The following EVC variants were observed in gnomAD, a reference collection of about 807,000 sequenced individuals.
EVC encodes the protein evC complex member EVC.
EVC carries 116 observed loss-of-function variants against 118.9 expected under a neutral mutation model. That is an observed-to-expected ratio of 0.98 (90% CI 0.84 to 1.14). The LOEUF (loss-of-function observed/expected upper bound fraction) is 1.14, where lower values mean the gene tolerates loss of function less well. EVC is among the 50% of genes most tolerant of loss of function. The pLI is 0.00. For missense variants in EVC, 1,401 were observed against 1,246.4 expected (o/e 1.12, Z -1.87); for synonymous variants, 619 against 534.7 (o/e 1.16, Z -2.18).
chr4:5,809,695 G>C (rs1390028965), intron 19 of EVC, 84 bp downstream of exon 19: 1 of 1,229,574 alleles, frequency 8.1e-7, no homozygotes, highest in African/African-American at 1.5e-5. Context: ...CCACTAACTA[G>C]CTGTGTGACC....
chr4:5,760,295 A>G (rs1165498683), intron 11 of EVC, among the ~76,000 whole-genome samples: 1 of 152,076 alleles, frequency 6.6e-6, no homozygotes, highest in Non-Finnish European at 1.5e-5. Flanking sequence ...TGATGCCAAA[A>G]TGACATCCTT....
intron 11 of EVC, among the ~76,000 whole-genome samples, chr4:5,779,966 T>C (rs1437066476): frequency 1.3e-5 from 2 of 151,848 alleles, no homozygotes; most frequent in Non-Finnish European, 2.9e-5. Flanking sequence ...CAGTGTGATA[T>C]TGGCTGTGGG....
chr4:5,733,176 C>T (rs186058740), intron 4 of EVC, among the ~76,000 whole-genome samples, 175 bp from the exon 5 acceptor site: 84 of 152,256 alleles, frequency 5.5e-4, no homozygotes, highest in Non-Finnish European at 1.0e-3. Flanking sequence ...TTTCAAACAG[C>T]TCATTTGATC....
At position 5,746,694 on chromosome 4, in the gene EVC, C is replaced by T. The variant is rs942709187; in HGVS notation, c.939+1353C>T. Among the ~76,000 whole-genome samples, 7 of 152,116 alleles carry T rather than the reference C, an allele frequency of 4.6e-5. No individual in the cohort carries two copies. Among genetic ancestry groups the T allele is most frequent in the African/African-American group, 1.7e-4 (7 of 41,420 alleles). ...GTCTGCCTTTCTCAGGGACAGGGTT[C>T]AGAATTTTCATAAGATTCTCCAAAG... is the stretch of plus-strand genomic sequence containing the variant. On this transcript the variant is annotated intron_variant, in intron 7 of 20. Coordinates refer to ENST00000264956, the MANE Select transcript of EVC (RefSeq NM_153717.3). The surrounding 1 kb of genome is among the most constrained non-coding windows in gnomAD (Gnocchi z 5.8).
chr4:5,784,755 G>A (rs1008785271), intron 12 of EVC, among the ~76,000 whole-genome samples: 21 of 151,550 alleles, frequency 1.4e-4, no homozygotes, highest in Admixed American at 1.1e-3. Flanking sequence ...TTACAGGCAC[G>A]TGCCACCACG....
Position 5,733,431 on chromosome 4 carries a change from A to G in EVC, c.698A>G (p.His233Arg), listed in dbSNP as rs769431829. 1.9e-6 allele frequency: 3 copies of G among 1,613,868 alleles called. No homozygotes were observed. The highest frequency in any genetic ancestry group is 4.5e-5 in the East Asian group (2 of 44,866). The change falls in exon 5 of 21, where the codon CAT (histidine) becomes CGT (arginine). Residue 233 changes from histidine (H) to arginine (R), a missense_variant. By Grantham distance (29) the His-to-Arg change is conservative (BLOSUM62 0). Coordinates refer to ENST00000264956, the MANE Select transcript of EVC (RefSeq NM_153717.3). Reference protein sequence around the residue: ...HLDTALRQEKHMMFIQIFKMC... With the variant: ...HLDTALRQEKRMMFIQIFKMC... ...GACACGGCACTGAGGCAGGAAAAGC[A>G]TATGGTAGGTGGAGATGTTCGCATT...
chr4:5,787,889 C>T (rs1221858339), intron 12 of EVC, among the ~76,000 whole-genome samples: 2 of 152,240 alleles, frequency 1.3e-5, no homozygotes, highest in East Asian at 1.9e-4. Flanking sequence ...TCCTCTGTGC[C>T]GAGCTTTCAG....
At chr4:5,715,571 C>T (rs1274989372) in intron 1 of EVC, among the ~76,000 whole-genome samples, 1 of 152,148 alleles carries the variant, frequency 6.6e-6, no homozygotes, top group African/African-American at 2.4e-5. Flanking sequence ...AATTTCATTG[C>T]ATGCCTGGAG....
intron 12 of EVC, among the ~76,000 whole-genome samples, chr4:5,784,310 G>GCAGA (rs1346215529): frequency 6.6e-6 from 1 of 152,118 alleles, no homozygotes; most frequent in Admixed American, 6.5e-5. Flanking sequence ...CAGGAGACAG[G>GCAGA]CAGAAGGGTG....
At chr4:5,759,166 A>G (rs960931461) in intron 11 of EVC, among the ~76,000 whole-genome samples, 2 of 152,082 alleles carry the variant, frequency 1.3e-5, no homozygotes, top group Non-Finnish European at 2.9e-5. Flanking sequence ...TCTCCGTCCA[A>G]AGGTGTGTTT....
chr4:5,782,467 C>G (rs1333936639), intron 11 of EVC, among the ~76,000 whole-genome samples: 8 of 118,674 alleles, frequency 6.7e-5, no homozygotes, highest in Non-Finnish European at 1.6e-5. Context: ...AATCTCGGCT[C>G]ACAGCAAGCT....
At chr4:5,745,630 C>T (rs540316436) in intron 7 of EVC, among the ~76,000 whole-genome samples, 4 of 152,332 alleles carry the variant, frequency 2.6e-5, no homozygotes, top group African/African-American at 9.6e-5. Flanking sequence ...CCCTTGATGT[C>T]ATCACTGCCC....
In EVC at chr4:5,756,292, G is replaced by T. The variant is rs1577453796; in HGVS notation, c.1493G>T (p.Arg498Met). 4 of 1,613,156 alleles carry T rather than the reference G, an allele frequency of 2.5e-6. No homozygotes were observed. The Admixed American group carries it at 6.7e-5, about 27-fold the overall frequency. Reference protein sequence around the residue: ...EAFHEVLERQRLMQCDLEEEE... With the variant: ...EAFHEVLERQMLMQCDLEEEE... ...TTTCATGAGGTCCTGGAGAGGCAGA[G>T]GCTGATGCAGTGTGACCTGGAGGAA... Residue 498 changes from arginine to methionine, a missense_variant, in exon 11 of 21, where the codon AGG (arginine) becomes ATG (methionine). Physicochemically the swap from Arg to Met is moderately conservative, Grantham distance 91. Transcript: ENST00000264956. This position sits in a 1 kb window ranked among gnomAD's most constrained non-coding sequence, Gnocchi z 4.2.
chr4:5,782,886 T>C (rs1012747510), intron 11 of EVC, among the ~76,000 whole-genome samples: 13 of 152,258 alleles, frequency 8.5e-5, no homozygotes, highest in African/African-American at 3.1e-4. Context: ...GAAAATAATC[T>C]AGATGGTGAC....
chr4:5,730,931 G>A (rs1371201367), intron 3 of EVC, among the ~76,000 whole-genome samples: 1 of 135,244 alleles, frequency 7.4e-6, no homozygotes, highest in Admixed American at 7.3e-5. Flanking sequence ...GGTGTGCATG[G>A]TGTTCCAGCT....
chr4:5,727,344 G>T (rs1726020059), intron 2 of EVC, among the ~76,000 whole-genome samples: 1 of 152,150 alleles, frequency 6.6e-6, no homozygotes, highest in Admixed American at 6.5e-5. Context: ...ATTTTTTCAT[G>T]TGTTTTTTGG....
chr4:5,800,558 C>A (rs1714782764), intron 15 of EVC, among the ~76,000 whole-genome samples: 1 of 152,072 alleles, frequency 6.6e-6, no homozygotes, highest in East Asian at 1.9e-4. Context: ...GAGGTGGGTG[C>A]AGAGTGGGGT....
chr4:5,794,406 A>T (rs185090650), intron 13 of EVC, among the ~76,000 whole-genome samples: 5,879 of 107,298 alleles, frequency 0.055, 310 homozygotes, highest in African/African-American at 0.13. Flanking sequence ...ATATATATAT[A>T]TTTTTTTTCT....
In EVC at chr4:5,781,169, A is replaced by G. The variant is rs533687078; in HGVS notation, c.1564-2383A>G. ...GCCTTGCCAGAAAAGGAGACCTCGA[A>G]TTGATTTTTGGAACATGTGAGGAGA... On this transcript the variant is annotated intron_variant, in intron 11 of 20. Coordinates refer to ENST00000264956, the MANE Select transcript of EVC (RefSeq NM_153717.3). Among the ~76,000 whole-genome samples the G allele has an allele frequency of 2.0e-5, 3 of 152,264 alleles. No individual in the cohort carries two copies. In the South Asian group the frequency reaches 6.2e-4, roughly 32 times the overall value.
Sources: gnomAD v4.1 joint callset for allele counts (sites outside exome capture counted in the v4.1 genomes callset) on GRCh38, gnomAD v4.1.1 for gene constraint, Gnocchi (gnomAD v3.1) non-coding constraint, MANE v1.5 for transcripts, NCBI Gene and HGNC (gene_info 2026-07-23, HGNC 2026-07-21) for gene names.